The following SYNJ1 variants were observed in gnomAD, a reference collection of about 807,000 sequenced individuals.
SYNJ1 encodes synaptojanin 1.
SYNJ1 carries 78 observed loss-of-function variants against 168.2 expected under a neutral mutation model. That is an observed-to-expected ratio of 0.46 (90% CI 0.39 to 0.56). The LOEUF (loss-of-function observed/expected upper bound fraction) is 0.56, where lower values mean the gene tolerates loss of function less well. Ranked by LOEUF, SYNJ1 falls within the 20% of genes least tolerant of loss-of-function variation. The probability of loss-of-function intolerance (pLI) is 0.00; values close to 1 mark genes in which losing one functional copy is unlikely to be tolerated. For missense variants in SYNJ1, 1,303 were observed against 1,597.6 expected (o/e 0.82, Z 3.14); for synonymous variants, 539 against 548.6 (o/e 0.98, Z 0.24).
intron 14 of SYNJ1, 140 bp from the exon 15 acceptor site, chr21:32,670,512 AC>A: frequency 1.0e-5 from 7 of 671,698 alleles, no homozygotes; most frequent in Non-Finnish European, 1.4e-5. Flanking sequence ...AAAGGCAAAC[AC>A]TCTTGAGTGG....
chr21:32,638,641 G>A (rs1385386864), intron 31 of SYNJ1, among the ~76,000 whole-genome samples: 2 of 152,138 alleles, frequency 1.3e-5, no homozygotes, highest in African/African-American at 4.8e-5. Flanking sequence ...AGGTTGCAGT[G>A]AGCGGAGATC....
chr21:32,726,530 C>G (rs1209632147), intron 2 of SYNJ1, among the ~76,000 whole-genome samples: 1 of 152,178 alleles, frequency 6.6e-6, no homozygotes, highest in Non-Finnish European at 1.5e-5. Flanking sequence ...GAAGCAGCAG[C>G]AGAACCCAAG....
chr21:32,700,364 C>T (rs1352205212), intron 3 of SYNJ1, among the ~76,000 whole-genome samples: 3 of 152,058 alleles, frequency 2.0e-5, no homozygotes, highest in South Asian at 2.1e-4. Flanking sequence ...AAAACTTTAT[C>T]GAATAATTGG....
chr21:32,707,929 A>C (rs916167006), intron 2 of SYNJ1, among the ~76,000 whole-genome samples: 4 of 152,170 alleles, frequency 2.6e-5, no homozygotes, highest in African/African-American at 9.7e-5. Flanking sequence ...AGGCAGGAGA[A>C]CTGCTTGAGC....
At chr21:32,691,275 T>C (rs182434416) in intron 6 of SYNJ1, among the ~76,000 whole-genome samples, 1 of 152,314 alleles carries the variant, frequency 6.6e-6, no homozygotes, top group Non-Finnish European at 1.5e-5. Context: ...TACTTAAAAG[T>C]GTGTAGCACC....
At chr21:32,704,319 C>T (rs1301984277) in intron 2 of SYNJ1, among the ~76,000 whole-genome samples, 1 of 152,168 alleles carries the variant, frequency 6.6e-6, no homozygotes, top group Non-Finnish European at 1.5e-5. Flanking sequence ...AAAGTGCATA[C>T]TCTTAGAGCC....
chr21:32,678,593 C>G (rs2041502607), intron 12 of SYNJ1, 52 bp downstream of exon 12: 1 of 1,492,456 alleles, frequency 6.7e-7, no homozygotes, highest in Admixed American at 2.5e-5. Context: ...TTACATTTAC[C>G]TCTTGGACCT....
chr21:32,704,542 C>A (rs574624786), intron 2 of SYNJ1, among the ~76,000 whole-genome samples: 1 of 152,124 alleles, frequency 6.6e-6, no homozygotes, highest in African/African-American at 2.4e-5. Flanking sequence ...GGGAAAAGGG[C>A]GTCCACTTGT....
At chr21:32,647,692 C>T (rs2040125657) in intron 23 of SYNJ1, among the ~76,000 whole-genome samples, 1 of 152,224 alleles carries the variant, frequency 6.6e-6, no homozygotes, top group Non-Finnish European at 1.5e-5. Flanking sequence ...CACTCTTCTT[C>T]CATTGCACGT....
At chr21:32,709,668 C>T (rs1052107887) in intron 2 of SYNJ1, among the ~76,000 whole-genome samples, 4 of 151,440 alleles carry the variant, frequency 2.6e-5, no homozygotes, top group Admixed American at 6.6e-5. Context: ...CAGGTGCCCA[C>T]CAACACGCCC....
intron 23 of SYNJ1, among the ~76,000 whole-genome samples, chr21:32,648,670 C>A (rs1012193587): frequency 6.6e-6 from 1 of 152,166 alleles, no homozygotes; most frequent in African/African-American, 2.4e-5. Flanking sequence ...GTCTGTATTT[C>A]TCCATATTCG....
rs528619044 is a variant in SYNJ1, at chr21:32,640,461, A to G, written c.3589-682T>C. 1.3e-3 allele frequency among the ~76,000 whole-genome samples: 200 copies of G among 151,528 alleles called. 2 individuals carry two copies. The highest frequency in any genetic ancestry group is 4.7e-3 in the African/African-American group (195 of 41,262). ...CAGGCGCCCGCCACCACACGCGGCT[A>G]ATTTTTTGTATTTTTAGTACAGATG... On this transcript the variant is annotated intron_variant, in intron 29 of 32. Transcript: ENST00000674351.
intron 2 of SYNJ1, among the ~76,000 whole-genome samples, chr21:32,710,197 C>G (rs2042776653): frequency 6.6e-6 from 1 of 151,634 alleles, no homozygotes; most frequent in Non-Finnish European, 1.5e-5. Flanking sequence ...AAGATGCCTT[C>G]TCAAAATAAA....
intron 9 of SYNJ1, 32 bp from the exon 10 acceptor site, chr21:32,684,151 G>T: frequency 6.3e-7 from 1 of 1,598,378 alleles, no homozygotes; most frequent in South Asian, 1.1e-5. Flanking sequence ...ATCCAGTTTG[G>T]AACAAAAATA....
Position 32,641,897 on chromosome 21 carries a change from G to A in SYNJ1, c.3587C>T (p.Pro1196Leu), listed in dbSNP as rs61752550. Residue 1196 changes from proline (P) to leucine (L), a missense_variant and splice_region_variant, in exon 29 of 33, where the codon CCG (proline) becomes CTG (leucine). Transcript: ENST00000674351. ...PGPAGYSTAR[P>L]TIPPRAGVIS... is the part of the protein sequence containing the mutation. ...GGCCCCAGGCGAGGTTTTACCTACCGGTCTGGCTGTACTGTATCCAGCAGG... is the reference window on the plus strand; with the variant it reads ...GGCCCCAGGCGAGGTTTTACCTACCAGTCTGGCTGTACTGTATCCAGCAGG... 45 of 1,609,780 alleles carry A rather than the reference G, an allele frequency of 2.8e-5. No homozygotes were observed. The Admixed American group carries it at 4.9e-4, about 17-fold the overall frequency.
At chr21:32,692,359 C>T (rs2042057293) in intron 6 of SYNJ1, among the ~76,000 whole-genome samples, 1 of 151,856 alleles carries the variant, frequency 6.6e-6, no homozygotes, top group African/African-American at 2.4e-5. Flanking sequence ...GGTGGATCAC[C>T]TGAGATCAGG....
chr21:32,679,547 T>C (rs541085006), intron 11 of SYNJ1, among the ~76,000 whole-genome samples: 15 of 152,248 alleles, frequency 9.9e-5, no homozygotes, highest in East Asian at 3.9e-4. Flanking sequence ...ATTTTGATGA[T>C]TGTCAAAACA....
rs1412779993 is a variant in SYNJ1 at position 32,631,626 on chromosome 21, C to T, written c.*179G>A. On this transcript the variant is annotated 3_prime_UTR_variant, in exon 33 of 33. Coordinates refer to ENST00000674351, the MANE Select transcript of SYNJ1 (RefSeq NM_203446.3). ...GCAACTTACAGAACTCAAAACATTA[C>T]TTTGCGTTGCAGAAGGCAACTGAAT... The T allele has an allele frequency of 2.1e-6, 3 of 1,459,340 alleles. No homozygotes were observed. The highest frequency in any genetic ancestry group is 2.8e-5 in the South Asian group (2 of 72,548). The allele number at this position is 1,459,340 out of a possible 1,614,324, so 90.4% of individuals were successfully genotyped here.
chr21:32,706,523 G>GA (rs888945571), intron 2 of SYNJ1, among the ~76,000 whole-genome samples: 7 of 150,346 alleles, frequency 4.7e-5, no homozygotes, highest in African/African-American at 1.7e-4. Flanking sequence ...AAGTCCAGAG[G>GA]AAAAAAAGTT....
Sources: allele counts gnomAD v4.1 joint callset (sites outside exome capture counted in the v4.1 genomes callset), GRCh38; gene constraint gnomAD v4.1.1; transcripts MANE v1.5; gene names NCBI Gene and HGNC (gene_info 2026-07-23, HGNC 2026-07-21).